NLGN1: variants seen among roughly 807,000 people sequenced by gnomAD.
NLGN1 encodes neuroligin-1.
Under a neutral mutation model 65.5 loss-of-function variants are expected in NLGN1, and 12 were observed. The observed-to-expected ratio is 0.18, with a 90% CI of 0.12 to 0.30. The LOEUF (loss-of-function observed/expected upper bound fraction) is 0.30. Among genes scored for constraint, NLGN1 ranks in the 10% least tolerant of loss-of-function variants. The probability of loss-of-function intolerance (pLI) is 1.00; values close to 1 mark genes in which losing one functional copy is unlikely to be tolerated. For synonymous variants in NLGN1, 350 were observed against 359.5 expected (o/e 0.97, Z 0.30); for missense variants, 750 against 1,007.1 (o/e 0.74, Z 3.46).
At chr3:173,673,775 C>A (rs1762767850) in intron 3 of NLGN1, among the ~76,000 whole-genome samples, 1 of 152,030 alleles carries the variant, frequency 6.6e-6, no homozygotes, top group Non-Finnish European at 1.5e-5. Flanking sequence ...TGTCCAGGTT[C>A]TTGGCATCTT....
At chr3:173,534,666 A>T (rs1197827525) in intron 2 of NLGN1, among the ~76,000 whole-genome samples, 1 of 152,190 alleles carries the variant, frequency 6.6e-6, no homozygotes, top group African/African-American at 2.4e-5. Context: ...TCTTTATCTC[A>T]ATTTAAATGT....
At chr3:173,911,745 C>A (rs912081268) in intron 4 of NLGN1, among the ~76,000 whole-genome samples, 3 of 152,146 alleles carry the variant, frequency 2.0e-5, no homozygotes, top group African/African-American at 7.2e-5. Context: ...AGCATTGATA[C>A]TTGTTGAAAA....
chr3:174,113,027 T>C (rs890896415), intron 4 of NLGN1, among the ~76,000 whole-genome samples: 1 of 151,902 alleles, frequency 6.6e-6, no homozygotes, highest in Non-Finnish European at 1.5e-5. Context: ...TATAATTCCT[T>C]ATGCCCATTT....
intron 4 of NLGN1, among the ~76,000 whole-genome samples, chr3:173,960,596 A>G (rs1713299177): frequency 6.6e-6 from 1 of 152,040 alleles, no homozygotes; most frequent in East Asian, 1.9e-4. Flanking sequence ...GCCTAACACT[A>G]TAATTTTAAA....
chr3:174,154,781 GTATT>G (rs1156369428), intron 4 of NLGN1, among the ~76,000 whole-genome samples: 7 of 149,826 alleles, frequency 4.7e-5, no homozygotes, highest in African/African-American at 1.2e-4. Context: ...ACATGCATGT[GTATT>G]TATAGTATAT....
chr3:173,646,651 C>T (rs577826924), intron 3 of NLGN1, among the ~76,000 whole-genome samples: 9 of 152,208 alleles, frequency 5.9e-5, no homozygotes, highest in African/African-American at 2.2e-4. Context: ...AAGATGTCCA[C>T]TATAAACCCT....
intron 4 of NLGN1, among the ~76,000 whole-genome samples, chr3:173,825,260 G>C (rs766416369): frequency 2.0e-5 from 3 of 152,030 alleles, no homozygotes; most frequent in South Asian, 2.1e-4. Flanking sequence ...GAAATGTTGA[G>C]AGCATGATTA....
chr3:173,418,971 A>AT (rs35210359), intron 1 of NLGN1, among the ~76,000 whole-genome samples: 22,443 of 72,176 alleles, frequency 0.31, 2,115 homozygotes, highest in Middle Eastern at 0.47. Flanking sequence ...AAATATGATG[A>AT]TTTTTTTTTT....
intron 2 of NLGN1, among the ~76,000 whole-genome samples, chr3:173,546,345 C>T (rs1437577193): frequency 2.6e-5 from 4 of 152,020 alleles, no homozygotes; most frequent in South Asian, 2.1e-4. Context: ...ATATTTTTCC[C>T]GTACCGTGAA....
chr3:173,647,248 A>G (rs1758411479), intron 3 of NLGN1, among the ~76,000 whole-genome samples: 1 of 152,154 alleles, frequency 6.6e-6, no homozygotes, highest in South Asian at 2.1e-4. Context: ...TTTAATCAGA[A>G]ATTGAAATAC....
intron 4 of NLGN1, among the ~76,000 whole-genome samples, chr3:173,822,305 G>T (rs1043562499): frequency 6.6e-6 from 1 of 152,102 alleles, no homozygotes. Flanking sequence ...CAGCATCCAA[G>T]TGGAACTGCT....
chr3:173,930,329 CAA>C (rs1008341118), intron 4 of NLGN1, among the ~76,000 whole-genome samples: 7 of 152,096 alleles, frequency 4.6e-5, no homozygotes, highest in Admixed American at 4.6e-4. Flanking sequence ...AAAAAATGTT[CAA>C]GTTAGAGGAG....
intron 4 of NLGN1, among the ~76,000 whole-genome samples, chr3:174,027,058 A>C (rs1431905604): frequency 2.2e-5 from 3 of 133,564 alleles, no homozygotes; most frequent in African/African-American, 9.5e-5. Context: ...GGTCTAGTTC[A>C]ATTTTTTTAA....
At chr3:173,992,828 A>G (rs528404851) in intron 4 of NLGN1, among the ~76,000 whole-genome samples, 70 of 152,324 alleles carry the variant, frequency 4.6e-4, no homozygotes, top group South Asian at 2.5e-3. Context: ...TCTTATGCCA[A>G]ATAATACAGC....
intron 4 of NLGN1, among the ~76,000 whole-genome samples, chr3:173,834,513 T>C (rs942578265): frequency 6.6e-6 from 1 of 152,178 alleles, no homozygotes; most frequent in African/African-American, 2.4e-5. Flanking sequence ...GTAAAGCTTA[T>C]TGGTTAAGTG....
At chr3:174,193,534 C>G (rs1055199561) in intron 4 of NLGN1, among the ~76,000 whole-genome samples, 23 of 152,240 alleles carry the variant, frequency 1.5e-4, no homozygotes, top group African/African-American at 5.1e-4. Context: ...GCCACACACA[C>G]AAATCCAAAA....
intron 3 of NLGN1, among the ~76,000 whole-genome samples, chr3:173,625,655 G>T (rs1754713431): frequency 6.6e-6 from 1 of 151,998 alleles, no homozygotes; most frequent in Non-Finnish European, 1.5e-5. Flanking sequence ...ATAATAAATT[G>T]ATATATTATT....
intron 2 of NLGN1, among the ~76,000 whole-genome samples, chr3:173,437,014 T>C (rs1256747060): frequency 2.0e-5 from 3 of 152,248 alleles, no homozygotes; most frequent in Non-Finnish European, 4.4e-5. Context: ...GTCATCCTTA[T>C]TAAAACTTCT....
intron 4 of NLGN1, among the ~76,000 whole-genome samples, chr3:173,847,882 T>C (rs1726096764): frequency 1.3e-5 from 2 of 152,110 alleles, no homozygotes; most frequent in Admixed American, 1.3e-4. Flanking sequence ...AAAAAATAAA[T>C]AAATTAATTA....
Sources: allele counts gnomAD v4.1 joint callset (sites outside exome capture counted in the v4.1 genomes callset), GRCh38; gene constraint gnomAD v4.1.1; transcripts MANE v1.5; gene names NCBI Gene and HGNC (gene_info 2026-07-23, HGNC 2026-07-21).